Variants in DIAPH3 observed in about 807,000 individuals in gnomAD.
DIAPH3 encodes diaphanous related formin 3.
A neutral mutation model predicts 144.3 loss-of-function variants in DIAPH3; 117 were observed. The ratio of observed to expected loss-of-function variants is 0.81; its 90% CI spans 0.70 to 0.95. The LOEUF (loss-of-function observed/expected upper bound fraction) is 0.95. Ranked by LOEUF, DIAPH3 falls within the 40% of genes least tolerant of loss-of-function variation. The pLI is 0.00. For synonymous variants in DIAPH3, 519 were observed against 488.9 expected (o/e 1.06, Z -0.81); for missense variants, 1,421 against 1,412.7 (o/e 1.01, Z -0.09).
At chr13:59,714,219 G>GCT (rs1386020173) in intron 27 of DIAPH3, among the ~76,000 whole-genome samples, 2 of 151,612 alleles carry the variant, frequency 1.3e-5, no homozygotes, top group African/African-American at 4.8e-5. Context: ...AATTAGCCGG[G>GCT]CGTAGTGGCG....
intron 24 of DIAPH3, among the ~76,000 whole-genome samples, chr13:59,829,744 G>A (rs2041674417): frequency 6.6e-6 from 1 of 151,886 alleles, no homozygotes; most frequent in Non-Finnish European, 1.5e-5. Flanking sequence ...TTAGAGGGAT[G>A]AGTATGATAA....
intron 27 of DIAPH3, among the ~76,000 whole-genome samples, chr13:59,691,670 A>C (rs1004509354): frequency 6.6e-6 from 1 of 152,210 alleles, no homozygotes; most frequent in African/African-American, 2.4e-5. Context: ...GAATAAAATA[A>C]GCAAAAGACA....
intron 5 of DIAPH3, among the ~76,000 whole-genome samples, chr13:60,023,479 A>G (rs1043289518): frequency 6.6e-6 from 1 of 151,832 alleles, no homozygotes; most frequent in Non-Finnish European, 1.5e-5. Context: ...TGTCTCCCAA[A>G]CTGGAGGGCA....
intron 27 of DIAPH3, among the ~76,000 whole-genome samples, chr13:59,713,630 G>GAGCTGTTGGGA (rs1393233152): frequency 6.6e-6 from 1 of 151,930 alleles, no homozygotes; most frequent in Non-Finnish European, 1.5e-5. Context: ...TGAGGAAGGG[G>GAGCTGTTGGGA]AGCTATTAAA....
At chr13:60,031,459 G>A (rs1346538012) in intron 5 of DIAPH3, among the ~76,000 whole-genome samples, 5 of 152,032 alleles carry the variant, frequency 3.3e-5, no homozygotes, top group African/African-American at 1.2e-4. Context: ...TTTTCAAATT[G>A]CAAAATGTGA....
At chr13:59,670,749 AT>A (rs1233303726) in intron 27 of DIAPH3, among the ~76,000 whole-genome samples, 6 of 151,824 alleles carry the variant, frequency 4.0e-5, no homozygotes, top group Admixed American at 2.6e-4. Flanking sequence ...CGCCCGGCTA[AT>A]TTTTTTGCAT....
In DIAPH3 at chr13:59,666,373, A is replaced by T. The variant is rs1020965990; in HGVS notation, c.*211T>A. Reference sequence around the variant, plus strand: ...ACCAGGAGACAAAAAAAAAAAAAAAAGGATTAAAGCCCGGTACAATCTTGA... The same window carrying T: ...ACCAGGAGACAAAAAAAAAAAAAAATGGATTAAAGCCCGGTACAATCTTGA... On this transcript the variant is annotated 3_prime_UTR_variant, in exon 28 of 28. Transcript: ENST00000400324. The T allele has an allele frequency of 3.7e-5, 16 of 435,642 alleles. No homozygotes were observed. The highest frequency in any genetic ancestry group is 5.9e-5 in the Non-Finnish European group (15 of 256,024). The allele number at this position is 435,642 out of a possible 1,614,324, so 27.0% of individuals were successfully genotyped here. A position where few individuals can be genotyped will look rare whatever the true frequency, so the allele number is the denominator to read the frequency against.
chr13:59,860,018 AT>A (rs1246337422), intron 22 of DIAPH3, among the ~76,000 whole-genome samples: 15 of 152,240 alleles, frequency 9.9e-5, no homozygotes, highest in Admixed American at 5.9e-4. Context: ...TAAAAGGCTT[AT>A]TTTTTGTCTT....
At position 59,792,186 on chromosome 13, in the gene DIAPH3, C is replaced by T. The variant is rs548914209; in HGVS notation, c.3164-17363G>A. ...TGTTGCTTGTTCCCCTCCTATCTCA[C>T]GTGCTTAAAGTCTGCAGGGCACAGG... On this transcript the variant is annotated intron_variant, in intron 25 of 27. Coordinates refer to ENST00000400324, the MANE Select transcript of DIAPH3 (RefSeq NM_001042517.2). Among the ~76,000 whole-genome samples the T allele has an allele frequency of 1.3e-4, 20 of 152,274 alleles. No homozygotes were observed. The South Asian group carries it at 3.3e-3, about 25-fold the overall frequency.
chr13:59,757,392 CTTTTTTTTTTTTTTT>C (rs558678599), intron 27 of DIAPH3, among the ~76,000 whole-genome samples: 1 of 93,046 alleles, frequency 1.1e-5, no homozygotes, highest in Non-Finnish European at 2.0e-5. Flanking sequence ...ATGGGTCATC[CTTTTTTTTTTTTTTT>C]TTTTTTTTTT....
intron 4 of DIAPH3, among the ~76,000 whole-genome samples, chr13:60,052,586 C>T (rs1390374127): frequency 6.6e-6 from 1 of 152,100 alleles, no homozygotes; most frequent in Non-Finnish European, 1.5e-5. Flanking sequence ...CTAGAATACA[C>T]CCTACAGGGC....
At chr13:60,066,308 T>C (rs1328031366) in intron 4 of DIAPH3, among the ~76,000 whole-genome samples, 2 of 152,188 alleles carry the variant, frequency 1.3e-5, no homozygotes, top group African/African-American at 2.4e-5. Context: ...ATCTAATTTC[T>C]GATGAAACAA....
At chr13:59,778,248 C>G (rs1195573253) in intron 25 of DIAPH3, among the ~76,000 whole-genome samples, 1 of 152,172 alleles carries the variant, frequency 6.6e-6, no homozygotes, top group Non-Finnish European at 1.5e-5. Flanking sequence ...CTAGGTGCCC[C>G]TCTGTGTCCC....
intron 27 of DIAPH3, among the ~76,000 whole-genome samples, chr13:59,723,611 T>C (rs1344895395): frequency 1.3e-5 from 2 of 148,796 alleles, no homozygotes; most frequent in African/African-American, 4.9e-5. Flanking sequence ...ATGATGGTCT[T>C]TTTTTTTTTT....
rs1265094330 is a variant in DIAPH3 at position 59,795,619 on chromosome 13, A to AT, written c.3163+15168dup. ...CAGGTGGCCGCCACCATTCCAGGCTATTTTTTTTTATTTTTAATAGACACA... is the reference window on the plus strand; with the variant it reads ...CAGGTGGCCGCCACCATTCCAGGCTATTTTTTTTTTATTTTTAATAGACACA... On this transcript the variant is annotated intron_variant, in intron 25 of 27. Coordinates refer to ENST00000400324, the MANE Select transcript of DIAPH3 (RefSeq NM_001042517.2). 1.2e-3 allele frequency among the ~76,000 whole-genome samples: 185 copies of AT among 150,584 alleles called. No individual in the cohort carries two copies. The Middle Eastern group carries it at 0.017, about 14-fold the overall frequency.
chr13:59,737,601 A>G lies in DIAPH3; in HGVS notation c.3319+36588T>C, dbSNP rs143346135. Among the ~76,000 whole-genome samples the G allele has an allele frequency of 1.2e-3, 190 of 152,316 alleles. 1 individual carries two copies. Among genetic ancestry groups the G allele is most frequent in the African/African-American group, 4.4e-3 (181 of 41,580 alleles). On this transcript the variant is annotated intron_variant, in intron 27 of 27. Coordinates refer to ENST00000400324, the MANE Select transcript of DIAPH3 (RefSeq NM_001042517.2). ...AATTTTACTAGCTCCAAACCCCAAC[A>G]TACGTGGACTTATAAAGCTTGATGT...
intron 20 of DIAPH3, among the ~76,000 whole-genome samples, chr13:59,896,067 A>G (rs2140147383): frequency 6.6e-6 from 1 of 152,316 alleles, no homozygotes; most frequent in South Asian, 2.1e-4. Flanking sequence ...AAAACAACAC[A>G]GTGTGGTGGA....
intron 4 of DIAPH3, among the ~76,000 whole-genome samples, chr13:60,092,091 T>C (rs2057956109): frequency 6.6e-6 from 1 of 152,090 alleles, no homozygotes; most frequent in African/African-American, 2.4e-5. Context: ...TCCTCCCACC[T>C]TGACTTCTCA....
intron 15 of DIAPH3, 90 bp downstream of exon 15, chr13:59,974,262 T>C: frequency 1.0e-6 from 1 of 989,022 alleles, no homozygotes; most frequent in Admixed American, 1.9e-5. Flanking sequence ...AAATTAAAGT[T>C]TAAACATTTT....
Sources: allele counts gnomAD v4.1 joint callset (sites outside exome capture counted in the v4.1 genomes callset), GRCh38; gene constraint gnomAD v4.1.1; transcripts MANE v1.5; gene names NCBI Gene and HGNC (gene_info 2026-07-23, HGNC 2026-07-21).